The following MID1 variants were observed in gnomAD, a reference collection of about 807,000 sequenced individuals.
MID1 encodes the protein midline 1.
Under a neutral mutation model 40.4 loss-of-function variants are expected in MID1, and 7 were observed. The ratio of observed to expected loss-of-function variants is 0.17; its 90% CI spans 0.10 to 0.33. The LOEUF is 0.33. Ranked by LOEUF, MID1 falls within the 10% of genes least tolerant of loss-of-function variation. MID1 has a pLI of 1.00. For missense variants in MID1, 367 were observed against 558.5 expected, an observed-to-expected ratio of 0.66 and a Z score of 3.46; for synonymous variants, 229 against 221.2, an observed-to-expected ratio of 1.04 and a Z score of -0.31.
At chrX:10,785,041 T>C (rs764451242) in intron 1 of MID1, among the ~76,000 whole-genome samples, 73 of 111,178 alleles carry the variant, frequency 6.6e-4, no homozygotes, top group African/African-American at 2.3e-3. Flanking sequence ...TGTTTGCAGA[T>C]GACATGATTG....
chrX:10,587,630 CT>C (rs1427533763), intron 1 of MID1, among the ~76,000 whole-genome samples: 1 of 112,755 alleles, frequency 8.9e-6, no homozygotes, highest in Non-Finnish European at 1.9e-5. Context: ...ATAACAATTG[CT>C]TTTGTTTAAC....
intron 4 of MID1, among the ~76,000 whole-genome samples, chrX:10,489,633 A>T (rs1380136739): frequency 9.0e-6 from 1 of 110,949 alleles, no homozygotes; most frequent in Non-Finnish European, 1.9e-5. Flanking sequence ...TGATTTCTGA[A>T]GCCTTATAAT....
chrX:10,481,526 G>A (rs1313146149), intron 5 of MID1, among the ~76,000 whole-genome samples: 4 of 111,813 alleles, frequency 3.6e-5, no homozygotes, highest in East Asian at 2.8e-4. Context: ...TGCAACCTCC[G>A]CCTCCCAGGT....
At chrX:10,712,691 C>A (rs776902211) in intron 1 of MID1, among the ~76,000 whole-genome samples, 4 of 111,688 alleles carry the variant, frequency 3.6e-5, no homozygotes, top group East Asian at 5.6e-4. Flanking sequence ...TAAACTTTCA[C>A]TTCTGCTCTC....
At chrX:10,812,237 A>C (rs1320801540) in intron 1 of MID1, among the ~76,000 whole-genome samples, 1 of 111,420 alleles carries the variant, frequency 9.0e-6, no homozygotes, top group African/African-American at 3.3e-5. Context: ...GGGAATGCAT[A>C]AGTCTCATTT....
chrX:10,573,404 T>C (rs1934791137), intron 1 of MID1, among the ~76,000 whole-genome samples: 1 of 111,980 alleles, frequency 8.9e-6, no homozygotes, highest in African/African-American at 3.3e-5. Context: ...AACAACTCCA[T>C]TCTCATGGGA....
intron 2 of MID1, among the ~76,000 whole-genome samples, chrX:10,540,286 T>C (rs1359251876): frequency 1.8e-5 from 2 of 111,853 alleles, no homozygotes; most frequent in African/African-American, 3.3e-5. Context: ...GCCTTTACAA[T>C]GTTTCAAGAT....
rs1007882750 is a variant in MID1, at chrX:10,447,138, T to C, written c.*2230A>G. The C allele has an allele frequency of 9.8e-5, 11 of 112,031 alleles. No homozygotes were observed. The highest frequency in any genetic ancestry group is 3.6e-4 in the African/African-American group (11 of 30,809). 9.2% of individuals were successfully genotyped at this position (112,031 alleles called of 1,213,427 possible). A position where few individuals can be genotyped will look rare whatever the true frequency, so the allele number is the denominator to read the frequency against. On this transcript the variant is annotated 3_prime_UTR_variant, in exon 10 of 10. Transcript: ENST00000317552. ...TAACTGCTACTATCCACAATGCTTTTAAGTTAGCCAAGAGTGAGACTTCCA... is the reference window on the plus strand; with the variant it reads ...TAACTGCTACTATCCACAATGCTTTCAAGTTAGCCAAGAGTGAGACTTCCA...
intron 1 of MID1, among the ~76,000 whole-genome samples, chrX:10,660,448 A>T (rs2042903287): frequency 8.9e-6 from 1 of 112,410 alleles, no homozygotes; most frequent in Non-Finnish European, 1.9e-5. Context: ...TTTACACGGC[A>T]TGGGAAGGCA....
At chrX:10,560,750 T>C (rs1013364244) in intron 2 of MID1, among the ~76,000 whole-genome samples, 1 of 111,590 alleles carries the variant, frequency 9.0e-6, no homozygotes, top group Non-Finnish European at 1.9e-5. Context: ...AAAAAATCCA[T>C]GCTCATGGAT....
At chrX:10,589,501 C>G (rs1245438908) in intron 1 of MID1, 2 of 111,738 alleles carry the variant, frequency 1.8e-5, no homozygotes, top group African/African-American at 6.5e-5. Flanking sequence ...AAAACCAAAA[C>G]CAAAGTGCCG....
chrX:10,811,417 A>C (rs780552969), intron 1 of MID1, among the ~76,000 whole-genome samples: 14 of 112,244 alleles, frequency 1.2e-4, no homozygotes, highest in Non-Finnish European at 2.3e-4. Context: ...TTCCTGTTTT[A>C]CGGATGAGGA....
At chrX:10,697,210 G>A (rs892194716) in intron 1 of MID1, among the ~76,000 whole-genome samples, 44 of 111,281 alleles carry the variant, frequency 4.0e-4, no homozygotes, top group African/African-American at 1.2e-3. Context: ...CAAAGGATTC[G>A]CAGGGCTACT....
At chrX:10,641,710 C>CA (rs1936198811) in intron 1 of MID1, among the ~76,000 whole-genome samples, 1 of 111,294 alleles carries the variant, frequency 9.0e-6, no homozygotes, top group Admixed American at 9.5e-5. Context: ...AGAGACACAA[C>CA]AAAAAAAGAG....
intron 1 of MID1, among the ~76,000 whole-genome samples, chrX:10,676,570 G>A (rs1464603663): frequency 8.9e-6 from 1 of 111,762 alleles, no homozygotes; most frequent in Non-Finnish European, 1.9e-5. Context: ...TGACTGAGGG[G>A]ACTCTGAAAG....
chrX:10,784,464 GAGA>G, intron 1 of MID1, among the ~76,000 whole-genome samples: 1 of 28,529 alleles, frequency 3.5e-5, no homozygotes, highest in African/African-American at 1.3e-4. Context: ...TTTTTTTTTT[GAGA>G]CAGAGTCTCA....
At chrX:10,686,699 A>AGAAG (rs1286216557) in intron 1 of MID1, among the ~76,000 whole-genome samples, 1 of 112,234 alleles carries the variant, frequency 8.9e-6, no homozygotes, top group African/African-American at 3.2e-5. Flanking sequence ...ATCAGTAAAG[A>AGAAG]GAAGGGGGAA....
intron 5 of MID1, among the ~76,000 whole-genome samples, 164 bp downstream of exon 5, chrX:10,482,316 A>C (rs1275389445): frequency 8.9e-6 from 1 of 111,775 alleles, no homozygotes; most frequent in African/African-American, 3.3e-5. Flanking sequence ...CACATGTCAA[A>C]AGGAAGCATC....
intron 1 of MID1, among the ~76,000 whole-genome samples, chrX:10,786,874 G>A (rs1032434081): frequency 4.8e-5 from 5 of 104,442 alleles, no homozygotes; most frequent in African/African-American, 1.7e-4. Flanking sequence ...GTTAAATGAC[G>A]AGTTAATGGG....
Sources: allele counts gnomAD v4.1 joint callset (sites outside exome capture counted in the v4.1 genomes callset), GRCh38; gene constraint gnomAD v4.1.1; transcripts MANE v1.5; gene names NCBI Gene and HGNC (gene_info 2026-07-23, HGNC 2026-07-21).